The following LRRC8A variants were observed in gnomAD, a reference collection of about 807,000 sequenced individuals.
The protein encoded by LRRC8A is leucine rich repeat containing 8 VRAC subunit A, also known as volume-regulated anion channel subunit LRRC8A.
A neutral mutation model predicts 52.5 loss-of-function variants in LRRC8A; 24 were observed. That is an observed-to-expected ratio of 0.46 (90% CI 0.33 to 0.64). LRRC8A has a LOEUF of 0.64. LRRC8A is among the 30% of genes least tolerant of loss of function. The probability of loss-of-function intolerance (pLI) is 0.02; values close to 1 mark genes in which losing one functional copy is unlikely to be tolerated. For synonymous variants in LRRC8A, 492 were observed against 494.2 expected, an observed-to-expected ratio of 1.00 and a Z score of 0.06; for missense variants, 677 against 1,094.7, an observed-to-expected ratio of 0.62 and a Z score of 5.38.
chr9:128,906,471 C>T (rs751732180), intron 2 of LRRC8A, among the ~76,000 whole-genome samples: 5 of 151,958 alleles, frequency 3.3e-5, no homozygotes, highest in Non-Finnish European at 5.9e-5. Context: ...TACAGGCACC[C>T]GCCACTACGC....
At chr9:128,914,763 G>A (rs1840732017) in intron 3 of LRRC8A, among the ~76,000 whole-genome samples, 1 of 152,210 alleles carries the variant, frequency 6.6e-6, no homozygotes, top group Non-Finnish European at 1.5e-5. Context: ...CTCGGGACGG[G>A]CAGGCTCAAC....
intron 3 of LRRC8A, 40 bp downstream of exon 3, chr9:128,909,361 G>T (rs1380104809): frequency 1.9e-6 from 3 of 1,587,814 alleles, no homozygotes; most frequent in Non-Finnish European, 2.6e-6. Flanking sequence ...GGGCTGGCGG[G>T]TGGCCTGGCC....
In LRRC8A at chr9:128,907,207, C is replaced by G. The variant is rs775495654; in HGVS notation, c.43C>G (p.Pro15Ala). The part of the protein sequence containing the change: ...TELRYFADTQ[P>A]AYRILKPWWD... ...GCTCCGCTACTTTGCGGACACGCAG[C>G]CAGCATACCGGATCCTGAAGCCGTG... is the stretch of plus-strand genomic sequence containing the variant. The change falls in exon 3 of 4, where the codon CCA (proline) becomes GCA (alanine). Residue 15 changes from proline to alanine, a missense_variant. Transcript: ENST00000372600. The surrounding 1 kb of genome is among the most constrained non-coding windows in gnomAD (Gnocchi z 9.3). 6.2e-7 allele frequency: 1 copy of G among 1,612,420 alleles called. No homozygotes were observed. The highest frequency in any genetic ancestry group is 1.1e-5 in the South Asian group (1 of 91,068).
chr9:128,904,791 G>A (rs1414010033), intron 2 of LRRC8A, among the ~76,000 whole-genome samples: 15 of 151,798 alleles, frequency 9.9e-5, no homozygotes, highest in Non-Finnish European at 1.8e-4. Flanking sequence ...TCAGGAGAAC[G>A]AGACCATCCT....
At chr9:128,888,912 A>G (rs1031728292) in intron 2 of LRRC8A, among the ~76,000 whole-genome samples, 1 of 152,098 alleles carries the variant, frequency 6.6e-6, no homozygotes, top group Non-Finnish European at 1.5e-5. Flanking sequence ...TCCTTCCTGC[A>G]GTAGCACCTT....
At chr9:128,914,281 G>C (rs1474450101) in intron 3 of LRRC8A, among the ~76,000 whole-genome samples, 1 of 147,274 alleles carries the variant, frequency 6.8e-6, no homozygotes, top group Admixed American at 7.1e-5. Flanking sequence ...GGAAAGCCAC[G>C]TTGCTCCCCA....
chr9:128,899,998 T>A lies in LRRC8A; in HGVS notation c.-8-7159T>A, dbSNP rs547268306. On this transcript the variant is annotated intron_variant, in intron 2 of 3. Transcript: ENST00000372600. The surrounding 1 kb of genome is among the most constrained non-coding windows in gnomAD (Gnocchi z 4.0). ...GCAGGGGAGAATCTGGCCTTGGCCT[T>A]GGTTGTCTGTTTCTGAACTGGAACT... 9.8e-5 allele frequency among the ~76,000 whole-genome samples: 15 copies of A among 152,332 alleles called. No homozygotes were observed. The highest frequency in any genetic ancestry group is 3.4e-4 in the African/African-American group (14 of 41,570).
chr9:128,900,508 A>G (rs1170640509), intron 2 of LRRC8A, among the ~76,000 whole-genome samples: 1 of 152,020 alleles, frequency 6.6e-6, no homozygotes, highest in Non-Finnish European at 1.5e-5. Flanking sequence ...CAGGAGTTTA[A>G]GACCAGCCTA....
At chr9:128,912,356 T>TGGGAACACAG (rs943739671) in intron 3 of LRRC8A, among the ~76,000 whole-genome samples, 4 of 152,078 alleles carry the variant, frequency 2.6e-5, no homozygotes, top group Non-Finnish European at 4.4e-5. Context: ...ACCAGGTCCC[T>TGGGAACACAG]GGGAACACAG....
chr9:128,914,853 C>T (rs1416124094), intron 3 of LRRC8A, among the ~76,000 whole-genome samples: 3 of 152,328 alleles, frequency 2.0e-5, no homozygotes, highest in South Asian at 2.1e-4. Context: ...AGCTGGCATA[C>T]GTGAGGCTCT....
At chr9:128,909,512 A>C (rs73622794) in intron 3 of LRRC8A, among the ~76,000 whole-genome samples, 191 bp downstream of exon 3, 2,425 of 152,344 alleles carry the variant, frequency 0.016, 57 homozygotes, top group African/African-American at 0.056. Context: ...GCCCCATCCC[A>C]GGCCTGCTGA....
At chr9:128,894,712 G>C (rs1839755776) in intron 2 of LRRC8A, among the ~76,000 whole-genome samples, 1 of 149,858 alleles carries the variant, frequency 6.7e-6, no homozygotes, top group Non-Finnish European at 1.5e-5. Flanking sequence ...AGAATCGCTT[G>C]AACCCAGGAG....
At chr9:128,904,564 A>G (rs2131004173) in intron 2 of LRRC8A, among the ~76,000 whole-genome samples, 1 of 152,198 alleles carries the variant, frequency 6.6e-6, no homozygotes, top group East Asian at 1.9e-4. Context: ...ATACACAGAA[A>G]GGGCTGGGTG....
chr9:128,891,290 T>G (rs1488968700), intron 2 of LRRC8A, among the ~76,000 whole-genome samples: 6 of 149,716 alleles, frequency 4.0e-5, no homozygotes, highest in African/African-American at 1.2e-4. Context: ...ATTAGCCAGG[T>G]GTGGTGGCAT....
rs1172663331 is a variant in LRRC8A, at chr9:128,892,048, CCTT to C, written c.-9+5930_-9+5932del. ...TCCAAAAGCTTTATATGGACTGTCTCCTTCTGTCCTCATCACAGCCCTCCAAGC... is the reference window on the plus strand; with the variant it reads ...TCCAAAAGCTTTATATGGACTGTCTCCTGTCCTCATCACAGCCCTCCAAGC... On this transcript the variant is annotated intron_variant, in intron 2 of 3. Transcript: ENST00000372600. The surrounding 1 kb of genome is among the most constrained non-coding windows in gnomAD (Gnocchi z 5.2). Among the ~76,000 whole-genome samples the C allele has an allele frequency of 1.3e-5, 2 of 152,228 alleles. No homozygotes were observed. Among genetic ancestry groups the C allele is most frequent in the Non-Finnish European group, 1.5e-5 (1 of 68,030 alleles).
In LRRC8A at chr9:128,908,260, C is replaced by A; in HGVS notation, c.1096C>A (p.Pro366Thr). The A allele has an allele frequency of 6.2e-7, 1 of 1,614,136 alleles. No individual in the cohort carries two copies. The highest frequency in any genetic ancestry group is 8.5e-7 in the Non-Finnish European group (1 of 1,180,030). The change falls in exon 3 of 4, where the codon CCC becomes ACC. Residue 366 changes from proline (P) to threonine (T), a missense_variant. Coordinates refer to ENST00000372600, the MANE Select transcript of LRRC8A (RefSeq NM_019594.4). Reference protein sequence around the residue: ...IREESSYSDIPDVKNDFAFML... With the variant: ...IREESSYSDITDVKNDFAFML... ...TGAGGAGAGCAGCTACAGCGACATC[C>A]CCGACGTCAAGAACGACTTCGCCTT...
At chr9:128,901,418 C>A (rs527644525) in intron 2 of LRRC8A, among the ~76,000 whole-genome samples, 4 of 152,044 alleles carry the variant, frequency 2.6e-5, no homozygotes, top group Admixed American at 2.6e-4. Context: ...GAGCCCAGAT[C>A]GTGCCACTGC....
chr9:128,900,703 C>T (rs751241390), intron 2 of LRRC8A, among the ~76,000 whole-genome samples: 9 of 152,040 alleles, frequency 5.9e-5, no homozygotes, highest in African/African-American at 9.7e-5. Context: ...GAGACTCCGT[C>T]TCAAAATAAA....
At chr9:128,914,825 G>C (rs746189378) in intron 3 of LRRC8A, among the ~76,000 whole-genome samples, 1 of 152,218 alleles carries the variant, frequency 6.6e-6, no homozygotes, top group South Asian at 2.1e-4. Context: ...CTGATTCCTC[G>C]CAGCAGGGCA....
Sources: allele counts gnomAD v4.1 joint callset (sites outside exome capture counted in the v4.1 genomes callset), GRCh38; gene constraint gnomAD v4.1.1; non-coding constraint Gnocchi (gnomAD v3.1); transcripts MANE v1.5; gene names NCBI Gene and HGNC (gene_info 2026-07-23, HGNC 2026-07-21).